ASTN1: variants seen among roughly 807,000 people sequenced by gnomAD.
ASTN1 encodes astrotactin 1.
In ASTN1, 41 loss-of-function variants were observed where a neutral mutation model predicts 140.7. The ratio of observed to expected loss-of-function variants is 0.29; its 90% CI spans 0.23 to 0.38. The LOEUF (loss-of-function observed/expected upper bound fraction) is 0.38, where lower values mean the gene tolerates loss of function less well. Among genes scored for constraint, ASTN1 ranks in the 10% least tolerant of loss-of-function variants. ASTN1 has a pLI of 1.00. For missense variants in ASTN1, 1,479 were observed against 1,678.8 expected, an observed-to-expected ratio of 0.88 and a Z score of 2.08; for synonymous variants, 640 against 652.2, an observed-to-expected ratio of 0.98 and a Z score of 0.29.
At chr1:176,941,819 T>C (rs182709321) in intron 14 of ASTN1, among the ~76,000 whole-genome samples, 65 of 152,330 alleles carry the variant, frequency 4.3e-4, no homozygotes, top group African/African-American at 1.5e-3. Context: ...ACGCTATTTG[T>C]ATGTGCCACC....
intron 18 of ASTN1, 55 bp downstream of exon 18, chr1:176,888,016 A>C: frequency 6.2e-7 from 1 of 1,607,916 alleles, no homozygotes; most frequent in Non-Finnish European, 8.5e-7. Context: ...TGCAAATAGT[A>C]GACGCTCATT....
chr1:177,083,156 A>G (rs928462748), intron 1 of ASTN1, among the ~76,000 whole-genome samples: 1 of 152,080 alleles, frequency 6.6e-6, no homozygotes, highest in African/African-American at 2.4e-5. Context: ...AGATAGTCTC[A>G]TTTTATATCT....
At chr1:176,942,859 T>TA in intron 14 of ASTN1, among the ~76,000 whole-genome samples, 1 of 104,140 alleles carries the variant, frequency 9.6e-6, no homozygotes, top group South Asian at 3.3e-4. Flanking sequence ...TATATATATA[T>TA]ATATATAGAT....
chr1:176,918,591 C>G (rs1220693635), intron 16 of ASTN1, among the ~76,000 whole-genome samples: 1 of 152,162 alleles, frequency 6.6e-6, no homozygotes, highest in Non-Finnish European at 1.5e-5. Context: ...AAGCCCCACT[C>G]TATTGCCAAG....
intron 2 of ASTN1, among the ~76,000 whole-genome samples, chr1:177,043,358 G>T (rs577661115): frequency 6.6e-6 from 1 of 152,302 alleles, no homozygotes; most frequent in Admixed American, 6.5e-5. Context: ...TTACAGTCAG[G>T]TCACACAAAA....
chr1:177,096,227 T>C (rs1190904469), intron 1 of ASTN1, among the ~76,000 whole-genome samples: 2 of 152,206 alleles, frequency 1.3e-5, no homozygotes, highest in African/African-American at 4.8e-5. Context: ...GTCTCACCTA[T>C]ATCTGATTTA....
At chr1:177,131,898 A>C (rs1216047655) in intron 1 of ASTN1, among the ~76,000 whole-genome samples, 1 of 152,116 alleles carries the variant, frequency 6.6e-6, no homozygotes, top group Non-Finnish European at 1.5e-5. Flanking sequence ...GGCTCTTTTT[A>C]ACAATCAGCT....
chr1:177,124,360 A>C (rs1443905887), intron 1 of ASTN1, among the ~76,000 whole-genome samples: 1 of 152,210 alleles, frequency 6.6e-6, no homozygotes, highest in African/African-American at 2.4e-5. Context: ...TTGAGGCCAA[A>C]TTATTCAAGT....
chr1:177,164,691 G>A lies in ASTN1; in HGVS notation c.-15C>T. On this transcript the variant is annotated 5_prime_UTR_variant, in exon 1 of 23. Transcript: ENST00000361833. ...GCTAAAGCCATCTTGAGCCCCGGCC[G>A]CCTTCCTCCTAGCGCTGCGATGGTG... 1.3e-6 allele frequency: 2 copies of A among 1,541,264 alleles called. No individual in the cohort carries two copies. Among genetic ancestry groups the A allele is most frequent in the African/African-American group, 1.4e-5 (1 of 72,508 alleles).
intron 1 of ASTN1, among the ~76,000 whole-genome samples, chr1:177,109,278 G>T (rs1454501847): frequency 6.6e-6 from 1 of 152,110 alleles, no homozygotes; most frequent in Admixed American, 6.5e-5. Context: ...AAACCCATTT[G>T]TTCAAAGAAT....
chr1:176,946,154 T>C, intron 12 of ASTN1, 34 bp from the exon 13 acceptor site: 1 of 1,498,860 alleles, frequency 6.7e-7, no homozygotes, highest in Non-Finnish European at 9.0e-7. Flanking sequence ...TAAGAAGTTA[T>C]TCCATCAATG....
At chr1:176,891,850 TA>T (rs201634000) in intron 17 of ASTN1, among the ~76,000 whole-genome samples, 4 of 150,730 alleles carry the variant, frequency 2.7e-5, no homozygotes, top group East Asian at 2.0e-4. Flanking sequence ...ACAACAACAA[TA>T]AAAAAAACAA....
intron 8 of ASTN1, among the ~76,000 whole-genome samples, chr1:176,986,743 A>G (rs916431752): frequency 2.6e-5 from 4 of 152,200 alleles, no homozygotes; most frequent in African/African-American, 9.7e-5. Flanking sequence ...CCCATGTAGA[A>G]CAACGATAAT....
At chr1:176,951,604 T>C (rs575546895) in intron 11 of ASTN1, among the ~76,000 whole-genome samples, 1 of 152,258 alleles carries the variant, frequency 6.6e-6, no homozygotes, top group Admixed American at 6.5e-5. Context: ...TTTTCAGAGT[T>C]CTCCTTCAAG....
intron 2 of ASTN1, among the ~76,000 whole-genome samples, chr1:177,044,406 T>C (rs1288237187): frequency 6.6e-6 from 1 of 152,088 alleles, no homozygotes; most frequent in Non-Finnish European, 1.5e-5. Flanking sequence ...AAAGAGTCTG[T>C]TACTTAGGCC....
chr1:176,858,884 G>A (rs906632815), downstream of ASTN1, among the ~76,000 whole-genome samples: 3 of 152,200 alleles, frequency 2.0e-5, no homozygotes, highest in East Asian at 5.8e-4. Context: ...GTAAGGGTTT[G>A]TGTCAGACAG....
rs1415238683 is a variant in ASTN1, at chr1:176,936,460, T to C, written c.2378-90A>G. On this transcript the variant is annotated intron_variant, in intron 14 of 22. Coordinates refer to ENST00000361833, the MANE Select transcript of ASTN1 (RefSeq NM_004319.3). ...TGACCCACCTCTATGAGGCGAAGTGTTGTAATTGTGAGAAAATGATTAAAT... is the reference window on the plus strand; with the variant it reads ...TGACCCACCTCTATGAGGCGAAGTGCTGTAATTGTGAGAAAATGATTAAAT... 6.2e-6 allele frequency: 6 copies of C among 969,400 alleles called. No individual in the cohort carries two copies. The East Asian group carries it at 1.5e-4, about 24-fold the overall frequency. The allele number at this position is 969,400 out of a possible 1,614,324, so 60.0% of individuals were successfully genotyped here.
chr1:176,893,516 G>A (rs1040672821), intron 17 of ASTN1, among the ~76,000 whole-genome samples: 11 of 152,260 alleles, frequency 7.2e-5, no homozygotes, highest in South Asian at 6.2e-4. Context: ...TCAAACACTC[G>A]GTGAAATATC....
At position 176,934,163 on chromosome 1, in the gene ASTN1, T is replaced by A. The variant is rs1341852199; in HGVS notation, c.2660A>T (p.Asp887Val). Reference protein sequence around the residue: ...VQRRLWLEYEDISKGNSPSDE... With the variant: ...VQRRLWLEYEVISKGNSPSDE... ...AGCATGCCACTCACCTTTACTGATG[T>A]CTTCATACTCCAGCCAGAGTCGCCG... The change falls in exon 16 of 23, where the codon GAC becomes GTC. Residue 887 changes from aspartate (D) to valine (V), a missense_variant. Physicochemically the swap from Asp to Val is radical, Grantham distance 152. Coordinates refer to ENST00000361833, the MANE Select transcript of ASTN1 (RefSeq NM_004319.3). The A allele has an allele frequency of 3.1e-6, 5 of 1,610,624 alleles. No homozygotes were observed. The African/African-American group carries it at 6.7e-5, about 22-fold the overall frequency.
Sources: allele counts gnomAD v4.1 joint callset (sites outside exome capture counted in the v4.1 genomes callset), GRCh38; gene constraint gnomAD v4.1.1; transcripts MANE v1.5; gene names NCBI Gene and HGNC (gene_info 2026-07-23, HGNC 2026-07-21).